The following WBP1L variants were observed in gnomAD, a reference collection of about 807,000 sequenced individuals.
WBP1L encodes WW domain binding protein 1-like.
Under a neutral mutation model 33.7 loss-of-function variants are expected in WBP1L, and 17 were observed. The ratio of observed to expected loss-of-function variants is 0.50; its 90% CI spans 0.34 to 0.76. The LOEUF (loss-of-function observed/expected upper bound fraction) is 0.76. Ranked by LOEUF, WBP1L falls within the 30% of genes least tolerant of loss-of-function variation. The pLI is 0.01. For missense variants in WBP1L, 389 were observed against 469.4 expected (o/e 0.83, Z 1.58); for synonymous variants, 173 against 190.8 (o/e 0.91, Z 0.77).
chr10:102,762,302 C>T (rs1240939980), intron 1 of WBP1L, among the ~76,000 whole-genome samples: 2 of 152,004 alleles, frequency 1.3e-5, no homozygotes, highest in African/African-American at 4.8e-5. Context: ...GACAATAATC[C>T]CTTAATGTTG....
chr10:102,763,974 C>T (rs138305438), intron 1 of WBP1L, among the ~76,000 whole-genome samples: 2,865 of 152,206 alleles, frequency 0.019, 42 homozygotes, highest in Non-Finnish European at 0.027. Context: ...CCACCACGCC[C>T]GGCTAATTTT....
chr10:102,809,578 G>A (rs964393920), intron 2 of WBP1L, among the ~76,000 whole-genome samples: 4 of 152,062 alleles, frequency 2.6e-5, no homozygotes, highest in African/African-American at 9.7e-5. Flanking sequence ...TCACCATGTT[G>A]GCCAGGCTGG....
intron 1 of WBP1L, among the ~76,000 whole-genome samples, chr10:102,761,547 C>T (rs1444204295): frequency 6.6e-6 from 1 of 151,710 alleles, no homozygotes; most frequent in Non-Finnish European, 1.5e-5. Context: ...ACCTCCGCCT[C>T]CCAGGTTCAA....
intron 1 of WBP1L, among the ~76,000 whole-genome samples, chr10:102,785,401 A>G (rs983222996): frequency 6.9e-6 from 1 of 145,646 alleles, no homozygotes; most frequent in Non-Finnish European, 1.5e-5. Context: ...GTTAGCCAGG[A>G]TGGTCTCGAA....
intron 1 of WBP1L, among the ~76,000 whole-genome samples, chr10:102,783,482 A>G (rs1843366155): frequency 6.6e-6 from 1 of 152,220 alleles, no homozygotes; most frequent in Non-Finnish European, 1.5e-5. Context: ...GACTGACATC[A>G]GTCCTGCCCA....
rs1021776278 is a variant in WBP1L at position 102,755,692 on chromosome 10, C to T, written c.90+11549C>T. On this transcript the variant is annotated intron_variant, in intron 1 of 3. Transcript: ENST00000448841. ...ACAGGTGTGAGCCACTGTGCCCAGC[C>T]TACATTCTTTTTAAATGACACAAAA... Among the ~76,000 whole-genome samples, 4 of 152,108 alleles carry T rather than the reference C, an allele frequency of 2.6e-5. No homozygotes were observed. The East Asian group carries it at 7.7e-4, about 29-fold the overall frequency.
At chr10:102,802,354 G>A (rs1248613852) in intron 2 of WBP1L, among the ~76,000 whole-genome samples, 3 of 151,120 alleles carry the variant, frequency 2.0e-5, no homozygotes, top group Non-Finnish European at 4.4e-5. Flanking sequence ...TGTTGCCCAA[G>A]CTTCGTTTTT....
chr10:102,771,660 T>A (rs1843188174), intron 1 of WBP1L, among the ~76,000 whole-genome samples: 1 of 151,640 alleles, frequency 6.6e-6, no homozygotes, highest in Non-Finnish European at 1.5e-5. Flanking sequence ...AGACAAAAAT[T>A]AGCTGGGAGT....
intron 2 of WBP1L, among the ~76,000 whole-genome samples, chr10:102,806,990 G>A (rs568845318): frequency 1.3e-5 from 2 of 152,208 alleles, no homozygotes; most frequent in East Asian, 3.9e-4. Context: ...GGGGAGGGAG[G>A]CATTTTTTTC....
intron 1 of WBP1L, among the ~76,000 whole-genome samples, chr10:102,783,774 G>A (rs1273914105): frequency 1.3e-5 from 2 of 152,198 alleles, no homozygotes; most frequent in African/African-American, 2.4e-5. Context: ...AGTCCCGTAT[G>A]ACAAATAATT....
intron 2 of WBP1L, among the ~76,000 whole-genome samples, chr10:102,802,222 G>A (rs1843668013): frequency 6.8e-6 from 1 of 147,186 alleles, no homozygotes; most frequent in Non-Finnish European, 1.5e-5. Context: ...GGTCACTGCA[G>A]CCTTAACCTC....
intron 1 of WBP1L, among the ~76,000 whole-genome samples, chr10:102,763,883 G>A (rs762289536): frequency 1.3e-5 from 2 of 152,044 alleles, no homozygotes; most frequent in African/African-American, 4.8e-5. Context: ...GCGCGATCTC[G>A]ACTCACTGCA....
At chr10:102,745,036 C>G (rs1052672025) in intron 1 of WBP1L, among the ~76,000 whole-genome samples, 1 of 152,204 alleles carries the variant, frequency 6.6e-6, no homozygotes, top group Admixed American at 6.5e-5. Flanking sequence ...ATCACCCCTC[C>G]TTCCTTGCAT....
At chr10:102,797,026 T>C (rs1843581573) in intron 1 of WBP1L, among the ~76,000 whole-genome samples, 1 of 152,228 alleles carries the variant, frequency 6.6e-6, no homozygotes, top group African/African-American at 2.4e-5. Context: ...AGGGACAGTA[T>C]GAATCCTGGA....
intron 3 of WBP1L, among the ~76,000 whole-genome samples, chr10:102,811,556 G>C (rs1181650916): frequency 2.0e-5 from 3 of 152,052 alleles, no homozygotes; most frequent in Non-Finnish European, 4.4e-5. Context: ...TGTCACCCAG[G>C]CTTGACTGCA....
At chr10:102,776,193 AG>A in intron 1 of WBP1L, 2 of 1,463,162 alleles carry the variant, frequency 1.4e-6, no homozygotes, top group Non-Finnish European at 1.8e-6. Context: ...AGAGCCAGGC[AG>A]GGGGAGTAGC....
At chr10:102,809,780 C>T in intron 2 of WBP1L, 113 bp from the exon 3 acceptor site, 1 of 1,215,394 alleles carries the variant, frequency 8.2e-7, no homozygotes, top group Non-Finnish European at 1.1e-6. Flanking sequence ...TGAGGCCCAG[C>T]CATGCCAGCT....
intron 1 of WBP1L, among the ~76,000 whole-genome samples, chr10:102,784,477 G>A (rs904941354): frequency 7.0e-6 from 1 of 142,272 alleles, no homozygotes; most frequent in East Asian, 2.1e-4. Context: ...CCAGGCTGGA[G>A]TGCAGTGGCA....
chr10:102,776,365 G>A (rs182885427), intron 1 of WBP1L: 96 of 1,614,144 alleles, frequency 5.9e-5, no homozygotes, highest in Non-Finnish European at 6.7e-5. Flanking sequence ...TTGTTCCAAC[G>A]TTAGTGTGGA....
Sources: allele counts gnomAD v4.1 joint callset (sites outside exome capture counted in the v4.1 genomes callset), GRCh38; gene constraint gnomAD v4.1.1; transcripts MANE v1.5; gene names NCBI Gene and HGNC (gene_info 2026-07-23, HGNC 2026-07-21).